HAUS8: variants seen among roughly 807,000 people sequenced by gnomAD.
The protein encoded by HAUS8 is HAUS augmin like complex subunit 8.
Under a neutral mutation model 42.9 loss-of-function variants are expected in HAUS8, and 38 were observed. The observed-to-expected ratio is 0.89, with a 90% CI of 0.68 to 1.16. HAUS8 has a LOEUF of 1.16. Ranked by LOEUF, HAUS8 falls within the 50% of genes most tolerant of loss-of-function variation. The pLI is 0.00. For synonymous variants in HAUS8, 199 were observed against 205.8 expected (o/e 0.97, Z 0.28); for missense variants, 494 against 511.6 (o/e 0.97, Z 0.33).
In HAUS8 at chr19:17,059,586, A is replaced by T; in HGVS notation, c.391T>A (p.Ser131Thr). ...CTCTTTTTCCGAGGGGCAGAAAATG[A>T]TGTTGACTCAGGTTTCTTTGATATT... ...KTISKKPEST[S>T]FSAPRKKSPD... The change falls in exon 6 of 11, where the codon TCA becomes ACA. Residue 131 changes from serine (S) to threonine (T), a missense_variant. Physicochemically the swap from Ser to Thr is moderately conservative, Grantham distance 58. Transcript: ENST00000253669. 6.2e-7 allele frequency: 1 copy of T among 1,613,850 alleles called. No individual in the cohort carries two copies. Among genetic ancestry groups the T allele is most frequent in the Non-Finnish European group, 8.5e-7 (1 of 1,179,848 alleles).
chr19:17,062,592 T>C (rs1295007559), intron 4 of HAUS8, 106 bp downstream of exon 4: 6 of 847,540 alleles, frequency 7.1e-6, no homozygotes, highest in Non-Finnish European at 1.2e-5. Flanking sequence ...TGCTCACTGC[T>C]TCTGACCCTT....
chr19:17,073,393 C>T, intron 1 of HAUS8, 58 bp from the exon 2 acceptor site: 1 of 1,508,490 alleles, frequency 6.6e-7, no homozygotes, highest in Non-Finnish European at 9.2e-7. Flanking sequence ...CACAGGGAAG[C>T]CGGCGAGGTG....
Position 17,058,808 on chromosome 19 carries a change from C to T in HAUS8, c.486+3G>A. 6.2e-7 allele frequency: 1 copy of T among 1,613,088 alleles called. No homozygotes were observed. Reference sequence around the variant, plus strand: ...GCATACGTGAACAAGAAACTGTTTTCACCTTTACGGATAGTAGCGTCAGCA... The same window carrying T: ...GCATACGTGAACAAGAAACTGTTTTTACCTTTACGGATAGTAGCGTCAGCA... On this transcript the variant is annotated splice_donor_region_variant and intron_variant, in intron 7 of 10. Coordinates refer to ENST00000253669, the MANE Select transcript of HAUS8 (RefSeq NM_033417.2).
At chr19:17,054,491 CA>C (rs11354479) in intron 9 of HAUS8, among the ~76,000 whole-genome samples, 49,045 of 150,628 alleles carry the variant, frequency 0.33, 8,365 homozygotes, top group South Asian at 0.46. Context: ...CTCGTCTCTA[CA>C]AAAAAAAATA....
intron 3 of HAUS8, among the ~76,000 whole-genome samples, chr19:17,064,076 T>C (rs1012672883): frequency 6.6e-6 from 1 of 152,240 alleles, no homozygotes; most frequent in Non-Finnish European, 1.5e-5. Context: ...ATGTAAAAAT[T>C]CATATTTCTA....
At position 17,061,824 on chromosome 19, in the gene HAUS8, G is replaced by A. The variant is rs148894134; in HGVS notation, c.229+874C>T. Among the ~76,000 whole-genome samples, 271 of 152,290 alleles carry A rather than the reference G, an allele frequency of 1.8e-3. 2 individuals are homozygous for A. Among genetic ancestry groups the A allele is most frequent in the African/African-American group, 6.3e-3 (262 of 41,556 alleles). On this transcript the variant is annotated intron_variant, in intron 4 of 10. Transcript: ENST00000253669. ...AAGAACTGGTTTTAAGGTGTGGCAG[G>A]CCCAGTCTGATCCCCTGGCCACACC...
At chr19:17,060,202 A>T (rs1369002306) in intron 4 of HAUS8, 110 bp from the exon 5 acceptor site, 3 of 542,540 alleles carry the variant, frequency 5.5e-6, no homozygotes, top group Non-Finnish European at 9.5e-6. Flanking sequence ...CTAAAAGCCC[A>T]ATTTCGTCCA....
intron 2 of HAUS8, among the ~76,000 whole-genome samples, chr19:17,071,743 T>C (rs2057425574): frequency 6.6e-6 from 1 of 152,158 alleles, no homozygotes; most frequent in Admixed American, 6.5e-5. Context: ...ACACCTGTAA[T>C]CCCAGCACTT....
At chr19:17,057,931 C>T (rs1427694677) in intron 8 of HAUS8, among the ~76,000 whole-genome samples, 1 of 152,206 alleles carries the variant, frequency 6.6e-6, no homozygotes, top group Non-Finnish European at 1.5e-5. Flanking sequence ...AGAAGACAAC[C>T]ATTCACAGGC....
At chr19:17,063,341 A>C (rs1599983270) in intron 3 of HAUS8, among the ~76,000 whole-genome samples, 1 of 152,208 alleles carries the variant, frequency 6.6e-6, no homozygotes, top group East Asian at 1.9e-4. Flanking sequence ...CCTGGGAGAC[A>C]GAGCAAGACC....
chr19:17,059,905 G>T, intron 5 of HAUS8, 92 bp downstream of exon 5: 1 of 877,078 alleles, frequency 1.1e-6, no homozygotes, highest in Non-Finnish European at 1.9e-6. Flanking sequence ...TGTTGGATGT[G>T]ACCCCACTGT....
chr19:17,073,629 A>G (rs1286064154), intron 1 of HAUS8: 1 of 427,816 alleles, frequency 2.3e-6, no homozygotes, highest in African/African-American at 2.0e-5. Context: ...TCATTCATTC[A>G]CCAGACATTG....
chr19:17,057,771 C>T (rs1270263416), intron 8 of HAUS8, among the ~76,000 whole-genome samples: 1 of 152,032 alleles, frequency 6.6e-6, no homozygotes, highest in Non-Finnish European at 1.5e-5. Flanking sequence ...TGGAATGTGC[C>T]CTTATTTGAA....
At chr19:17,058,431 C>A (rs1236401144) in intron 8 of HAUS8, 118 bp downstream of exon 8, 1 of 1,024,898 alleles carries the variant, frequency 9.8e-7, no homozygotes, top group African/African-American at 1.6e-5. Flanking sequence ...ATTAAAAGCC[C>A]AACACAGTTA....
At chr19:17,051,215 T>C (rs1350634879) in intron 10 of HAUS8, among the ~76,000 whole-genome samples, 1 of 152,136 alleles carries the variant, frequency 6.6e-6, no homozygotes, top group Non-Finnish European at 1.5e-5. Flanking sequence ...AATTGATCCA[T>C]GGCCACCCAC....
chr19:17,049,947 T>C lies in HAUS8; in HGVS notation c.1159A>G (p.Ser387Gly). 6.4e-7 allele frequency: 1 copy of C among 1,559,476 alleles called. No homozygotes were observed. The highest frequency in any genetic ancestry group is 8.7e-7 in the Non-Finnish European group (1 of 1,151,192). Residue 387 changes from serine (S) to glycine (G), a missense_variant, in exon 11 of 11, where the codon AGC becomes GGC. Coordinates refer to ENST00000253669, the MANE Select transcript of HAUS8 (RefSeq NM_033417.2). ...TGGCTGCTTGAAGAAAAATCTTCGC[T>C]TGGGCTGATGAACGTGGCCTGAGCG... ...APAQATFISP[S>G]EDFSSSSQAE...
At chr19:17,057,169 G>C (rs887432873) in intron 8 of HAUS8, among the ~76,000 whole-genome samples, 3 of 152,014 alleles carry the variant, frequency 2.0e-5, no homozygotes, top group African/African-American at 7.2e-5. Context: ...GGCCAACATG[G>C]CAAAACCCTG....
rs1165009540 is a variant in HAUS8 at position 17,069,143 on chromosome 19, C to A, written c.92-57G>T. On this transcript the variant is annotated intron_variant, in intron 2 of 10. Coordinates refer to ENST00000253669, the MANE Select transcript of HAUS8 (RefSeq NM_033417.2). ...ACTACAAAGGACCGAAGACCCCACACACCCAGACCCCACGCCCCGGAGACC... is the reference window on the plus strand; with the variant it reads ...ACTACAAAGGACCGAAGACCCCACAAACCCAGACCCCACGCCCCGGAGACC... 2.7e-6 allele frequency: 4 copies of A among 1,507,242 alleles called. No homozygotes were observed. In the East Asian group the frequency reaches 9.2e-5, roughly 35 times the overall value. The allele number at this position is 1,507,242 out of a possible 1,614,324, so 93.4% of individuals were successfully genotyped here. A position where few individuals can be genotyped will look rare whatever the true frequency, so the allele number is the denominator to read the frequency against.
At chr19:17,053,883 T>C (rs367567320) in intron 9 of HAUS8, among the ~76,000 whole-genome samples, 6 of 152,052 alleles carry the variant, frequency 3.9e-5, no homozygotes, top group South Asian at 2.1e-4. Context: ...CAGGATGGTA[T>C]TGAACTACTG....
Sources: allele counts gnomAD v4.1 joint callset (sites outside exome capture counted in the v4.1 genomes callset), GRCh38; gene constraint gnomAD v4.1.1; transcripts MANE v1.5; gene names NCBI Gene and HGNC (gene_info 2026-07-23, HGNC 2026-07-21).